The following SHISA9 variants were observed in gnomAD, a reference collection of about 807,000 sequenced individuals.
SHISA9 encodes the protein protein shisa-9.
SHISA9 carries 13 observed loss-of-function variants against 38.0 expected under a neutral mutation model. That is an observed-to-expected ratio of 0.34 (90% CI 0.22 to 0.54). The LOEUF (loss-of-function observed/expected upper bound fraction) is 0.54, where lower values mean the gene tolerates loss of function less well. Ranked by LOEUF, SHISA9 falls within the 20% of genes least tolerant of loss-of-function variation. The pLI is 0.91. For synonymous variants in SHISA9, 275 were observed against 242.0 expected, an observed-to-expected ratio of 1.14 and a Z score of -1.27; for missense variants, 538 against 575.8, an observed-to-expected ratio of 0.93 and a Z score of 0.67.
chr16:13,394,536 C>A, the SHISA9 span, among the ~76,000 whole-genome samples: 2 of 152,184 alleles, frequency 1.3e-5, no homozygotes, highest in Admixed American at 1.3e-4. Flanking sequence ...ATAACACATT[C>A]TCTTCCTCCA....
At chr16:12,973,343 T>C (rs2072110686) in intron 2 of SHISA9, among the ~76,000 whole-genome samples, 1 of 152,170 alleles carries the variant, frequency 6.6e-6, no homozygotes, top group Non-Finnish European at 1.5e-5. Context: ...TTCAGGGAAA[T>C]AGAAAGTCAA....
intron 2 of SHISA9, among the ~76,000 whole-genome samples, chr16:12,967,109 C>T (rs920813443): frequency 5.3e-5 from 8 of 152,164 alleles, no homozygotes; most frequent in South Asian, 4.1e-4. Context: ...CACATGCACA[C>T]GTATGTTTAT....
chr16:13,259,177 C>T, the SHISA9 span, among the ~76,000 whole-genome samples: 4 of 152,150 alleles, frequency 2.6e-5, no homozygotes, highest in African/African-American at 9.7e-5. Flanking sequence ...GGTTACAGGG[C>T]CCATGCAAGT....
chr16:13,189,977 C>T (rs1329105493), intron 2 of SHISA9, among the ~76,000 whole-genome samples: 1 of 151,974 alleles, frequency 6.6e-6, no homozygotes, highest in Non-Finnish European at 1.5e-5. Flanking sequence ...ACTAAACAGC[C>T]ATAGTAGGCT....
At chr16:13,427,438 G>A in the SHISA9 span, among the ~76,000 whole-genome samples, 24 of 152,260 alleles carry the variant, frequency 1.6e-4, no homozygotes, top group Admixed American at 1.1e-3. Context: ...AGATTAAAAC[G>A]CAACAGCATT....
the SHISA9 span, among the ~76,000 whole-genome samples, chr16:13,423,904 A>G: frequency 6.6e-6 from 1 of 152,154 alleles, no homozygotes; most frequent in African/African-American, 2.4e-5. Flanking sequence ...CCCCATTATC[A>G]AGCCAACAAG....
At chr16:13,375,364 G>A in the SHISA9 span, among the ~76,000 whole-genome samples, 6 of 152,152 alleles carry the variant, frequency 3.9e-5, no homozygotes, top group African/African-American at 1.4e-4. Flanking sequence ...TGTAAGGAAG[G>A]GATCTGGTTT....
the SHISA9 span, among the ~76,000 whole-genome samples, chr16:13,451,818 C>T: frequency 3.3e-5 from 5 of 152,140 alleles, no homozygotes; most frequent in Admixed American, 1.3e-4. Flanking sequence ...GGCAAGTCGC[C>T]GATGTGATTT....
the SHISA9 span, among the ~76,000 whole-genome samples, chr16:13,278,820 A>G: frequency 7.9e-5 from 12 of 152,026 alleles, no homozygotes; most frequent in Admixed American, 4.6e-4. Flanking sequence ...TTCTTGGTTA[A>G]TCTTGCTAAT....
the SHISA9 span, among the ~76,000 whole-genome samples, chr16:13,264,420 C>T: frequency 7.2e-5 from 11 of 151,950 alleles, no homozygotes; most frequent in African/African-American, 2.7e-4. Flanking sequence ...TGATTCGCCC[C>T]CCTCGGCTTC....
chr16:13,310,302 CT>C, the SHISA9 span, among the ~76,000 whole-genome samples: 3,262 of 149,630 alleles, frequency 0.022, 51 homozygotes, highest in Middle Eastern at 0.055. Flanking sequence ...TAAAAAGCTG[CT>C]TTTTTTTTTC....
chr16:13,256,575 T>C, the SHISA9 span, among the ~76,000 whole-genome samples: 1 of 152,336 alleles, frequency 6.6e-6, no homozygotes, highest in African/African-American at 2.4e-5. Flanking sequence ...CCACTGCACC[T>C]GGCCGTATAT....
the SHISA9 span, among the ~76,000 whole-genome samples, chr16:13,299,622 G>C: frequency 6.6e-6 from 1 of 151,676 alleles, no homozygotes; most frequent in Non-Finnish European, 1.5e-5. Context: ...GCTGAGGCAG[G>C]AGAATTGCTT....
chr16:13,113,186 G>C (rs2073996425), intron 2 of SHISA9, among the ~76,000 whole-genome samples: 1 of 120,268 alleles, frequency 8.3e-6, no homozygotes, highest in Non-Finnish European at 1.6e-5. Flanking sequence ...CTCCAGCCTG[G>C]ACAACAGAAT....
At chr16:13,284,827 G>A in the SHISA9 span, among the ~76,000 whole-genome samples, 1 of 152,144 alleles carries the variant, frequency 6.6e-6, no homozygotes, top group Admixed American at 6.5e-5. Flanking sequence ...TTGAATTCAT[G>A]GGCTCAAGTG....
intron 2 of SHISA9, among the ~76,000 whole-genome samples, chr16:13,015,904 T>TTCTTTCTTTCTTTCTTTCTC (rs1416111724): frequency 1.0e-3 from 120 of 120,274 alleles, no homozygotes; most frequent in Non-Finnish European, 1.9e-3. Flanking sequence ...CTTTCTTTCT[T>TTCTTTCTTTCTTTCTTTCTC]TCTTTTCTTT....
the SHISA9 span, among the ~76,000 whole-genome samples, chr16:13,441,714 C>T: frequency 1.3e-5 from 2 of 152,184 alleles, no homozygotes. Flanking sequence ...CCCTATGTCT[C>T]ATTCACTGGC....
At chr16:13,211,062 C>T (rs910561788) in intron 3 of SHISA9, among the ~76,000 whole-genome samples, 1 of 152,038 alleles carries the variant, frequency 6.6e-6, no homozygotes, top group Non-Finnish European at 1.5e-5. Context: ...TTTGGGAGGC[C>T]AAAGCAGACA....
chr16:13,352,703 G>A, the SHISA9 span, among the ~76,000 whole-genome samples: 7 of 12,066 alleles, frequency 5.8e-4, no homozygotes, highest in East Asian at 0.024. Flanking sequence ...GAGATAAGGG[G>A]GGGGGGGGGC....
Sources: allele counts gnomAD v4.1 joint callset (sites outside exome capture counted in the v4.1 genomes callset), GRCh38; gene constraint gnomAD v4.1.1; transcripts MANE v1.5; gene names NCBI Gene and HGNC (gene_info 2026-07-23, HGNC 2026-07-21).